The following ADGRL2 variants were observed in gnomAD, a reference collection of about 807,000 sequenced individuals.
The protein encoded by ADGRL2 is adhesion G protein-coupled receptor L2.
In ADGRL2, 44 loss-of-function variants were observed where a neutral mutation model predicts 157.4. That is an observed-to-expected ratio of 0.28 (90% CI 0.22 to 0.36). ADGRL2 has a LOEUF of 0.36. ADGRL2 is among the 10% of genes least tolerant of loss of function. The pLI, the probability that ADGRL2 is intolerant of heterozygous loss-of-function variation, is 1.00. For missense variants in ADGRL2, 1,510 were observed against 1,768.9 expected, an observed-to-expected ratio of 0.85 and a Z score of 2.63; for synonymous variants, 585 against 624.7, an observed-to-expected ratio of 0.94 and a Z score of 0.95.
chr1:81,814,063 T>A (rs905007728), intron 1 of ADGRL2, among the ~76,000 whole-genome samples: 21 of 151,756 alleles, frequency 1.4e-4, no homozygotes, highest in South Asian at 2.1e-4. Flanking sequence ...AATTAATTGT[T>A]CTCATAAAAG....
chr1:81,839,639 T>A (rs1260766286), intron 2 of ADGRL2, among the ~76,000 whole-genome samples: 1 of 151,720 alleles, frequency 6.6e-6, no homozygotes, highest in Non-Finnish European at 1.5e-5. Context: ...TGTTTGGTTT[T>A]CTCTTCCTGA....
chr1:81,535,078 T>G (rs1180569668), intron 2 of ADGRL2, among the ~76,000 whole-genome samples: 3 of 152,180 alleles, frequency 2.0e-5, no homozygotes, highest in African/African-American at 7.2e-5. Flanking sequence ...TGATTTAAAA[T>G]AGCTGCTACT....
chr1:81,803,494 C>T (rs1694271), intron 1 of ADGRL2, among the ~76,000 whole-genome samples: 1 of 152,056 alleles, frequency 6.6e-6, no homozygotes, highest in African/African-American at 2.4e-5. Context: ...AGGGACAAGT[C>T]CTGCGGTATC....
At chr1:81,635,120 T>A (rs1413257098) in intron 3 of ADGRL2, among the ~76,000 whole-genome samples, 1 of 152,154 alleles carries the variant, frequency 6.6e-6, no homozygotes, top group African/African-American at 2.4e-5. Flanking sequence ...AAGTTCCAAG[T>A]GGTTTATCAA....
At chr1:81,667,475 T>C (rs926017450) in intron 3 of ADGRL2, among the ~76,000 whole-genome samples, 9 of 152,214 alleles carry the variant, frequency 5.9e-5, no homozygotes, top group Non-Finnish European at 2.9e-5. Flanking sequence ...AAGACAGTTT[T>C]ATAGTGCTAC....
chr1:81,769,798 A>G (rs1329561635), intron 2 of ADGRL2, among the ~76,000 whole-genome samples: 1 of 152,080 alleles, frequency 6.6e-6, no homozygotes, highest in African/African-American at 2.4e-5. Context: ...TTAGTGTTTC[A>G]ATACAAGCAT....
intron 1 of ADGRL2, among the ~76,000 whole-genome samples, chr1:81,381,393 A>C (rs1228490248): frequency 6.6e-6 from 1 of 152,138 alleles, no homozygotes; most frequent in Non-Finnish European, 1.5e-5. Context: ...TTTAAACTAG[A>C]AACTCTTTCC....
intron 3 of ADGRL2, among the ~76,000 whole-genome samples, chr1:81,666,900 G>A (rs2082762125): frequency 6.6e-6 from 1 of 152,174 alleles, no homozygotes; most frequent in African/African-American, 2.4e-5. Flanking sequence ...AAGTATGGCA[G>A]AAAGTAAGTC....
intron 1 of ADGRL2, among the ~76,000 whole-genome samples, chr1:81,830,803 G>A (rs2091894644): frequency 6.6e-6 from 1 of 152,078 alleles, no homozygotes; most frequent in African/African-American, 2.4e-5. Context: ...CACCGCGCCT[G>A]GCCAATTTTT....
chr1:81,640,648 T>TAAATAAATAAAA (rs1277869453), intron 3 of ADGRL2, among the ~76,000 whole-genome samples: 11 of 150,092 alleles, frequency 7.3e-5, no homozygotes. Context: ...AATAAATAAA[T>TAAATAAATAAAA]AAATAAATAA....
intron 1 of ADGRL2, chr1:81,722,870 G>A (rs534001476): frequency 2.8e-6 from 2 of 711,310 alleles, no homozygotes; most frequent in East Asian, 2.5e-5. Flanking sequence ...TTTTCCCAGA[G>A]GAATATCTGG....
intron 1 of ADGRL2, among the ~76,000 whole-genome samples, chr1:81,808,659 A>G (rs1417079227): frequency 1.3e-5 from 2 of 152,102 alleles, no homozygotes; most frequent in Non-Finnish European, 2.9e-5. Flanking sequence ...AACCTACTCC[A>G]TTATAAGATA....
chr1:81,973,807 C>T lies in ADGRL2; in HGVS notation c.3021+1889C>T, dbSNP rs192047381. 8.1e-4 allele frequency among the ~76,000 whole-genome samples: 123 copies of T among 152,160 alleles called. 1 individual carries two copies. Among genetic ancestry groups the T allele is most frequent in the African/African-American group, 2.8e-3 (118 of 41,510 alleles). On this transcript the variant is annotated intron_variant, in intron 17 of 23. Transcript: ENST00000686636. Reference sequence around the variant, plus strand: ...TACAGATCTTGTTGGAATTCTCCTGCGATTGCTTTGCTTTCTAATTTTCCC... The same window carrying T: ...TACAGATCTTGTTGGAATTCTCCTGTGATTGCTTTGCTTTCTAATTTTCCC...
chr1:81,728,035 C>T (rs932439302), intron 1 of ADGRL2, among the ~76,000 whole-genome samples: 4 of 152,078 alleles, frequency 2.6e-5, no homozygotes, highest in African/African-American at 9.7e-5. Flanking sequence ...GTATATTTCT[C>T]ATCATAATTC....
At chr1:81,311,285 C>T (rs1403275817) in intron 1 of ADGRL2, among the ~76,000 whole-genome samples, 1 of 152,084 alleles carries the variant, frequency 6.6e-6, no homozygotes, top group Admixed American at 6.6e-5. Context: ...TACATAGTTC[C>T]TTCTATCTTC....
chr1:81,426,689 G>C (rs769050870), intron 1 of ADGRL2: 1 of 471,800 alleles, frequency 2.1e-6, no homozygotes, highest in Non-Finnish European at 4.1e-6. Flanking sequence ...CAGGGGGTTT[G>C]GTTTTGTGAC....
chr1:81,743,796 A>C (rs907764058), intron 1 of ADGRL2, among the ~76,000 whole-genome samples: 1 of 152,044 alleles, frequency 6.6e-6, no homozygotes, highest in Non-Finnish European at 1.5e-5. Context: ...TTGTTCTTCT[A>C]TGTGCCTCTA....
At chr1:81,633,287 C>T (rs2082048717) in intron 3 of ADGRL2, among the ~76,000 whole-genome samples, 1 of 151,994 alleles carries the variant, frequency 6.6e-6, no homozygotes, top group African/African-American at 2.4e-5. Context: ...GTATCTCAAA[C>T]ATAATGTAGT....
At chr1:81,674,122 T>C (rs1479678408) in intron 3 of ADGRL2, among the ~76,000 whole-genome samples, 1 of 152,244 alleles carries the variant, frequency 6.6e-6, no homozygotes, top group Admixed American at 6.5e-5. Flanking sequence ...GTCTTTAATA[T>C]AAAATTTTAA....
Sources: allele counts gnomAD v4.1 joint callset (sites outside exome capture counted in the v4.1 genomes callset), GRCh38; gene constraint gnomAD v4.1.1; transcripts MANE v1.5; gene names NCBI Gene and HGNC (gene_info 2026-07-23, HGNC 2026-07-21).